The following ENTPD1 variants were observed in gnomAD, a reference collection of about 807,000 sequenced individuals.
ENTPD1 encodes the protein ATP diphosphohydrolase.
A neutral mutation model predicts 57.0 loss-of-function variants in ENTPD1; 33 were observed. That is an observed-to-expected ratio of 0.58 (90% CI 0.44 to 0.77). The LOEUF (loss-of-function observed/expected upper bound fraction) is 0.77. Among genes scored for constraint, ENTPD1 ranks in the 30% least tolerant of loss-of-function variants. The probability of loss-of-function intolerance (pLI) is 0.00; values close to 1 mark genes in which losing one functional copy is unlikely to be tolerated. For synonymous variants in ENTPD1, 202 were observed against 218.8 expected, an observed-to-expected ratio of 0.92 and a Z score of 0.68; for missense variants, 501 against 603.4, an observed-to-expected ratio of 0.83 and a Z score of 1.78.
intron 7 of ENTPD1, among the ~76,000 whole-genome samples, chr10:95,858,555 C>G (rs1042205306): frequency 5.3e-5 from 8 of 152,014 alleles, no homozygotes; most frequent in African/African-American, 1.9e-4. Flanking sequence ...AATTAAGAGG[C>G]CATTGCAGTA....
intron 1 of ENTPD1, among the ~76,000 whole-genome samples, chr10:95,757,457 T>C (rs2098032404): frequency 6.6e-6 from 1 of 152,080 alleles, no homozygotes. Flanking sequence ...TTCTCTGCTT[T>C]TTCTGGTGCC....
At chr10:95,778,636 T>C (rs2098143557) in intron 1 of ENTPD1, among the ~76,000 whole-genome samples, 1 of 152,238 alleles carries the variant, frequency 6.6e-6, no homozygotes, top group South Asian at 2.1e-4. Flanking sequence ...AAATTTCTTA[T>C]TTTGGTTATT....
At position 95,870,089 on chromosome 10, in the gene ENTPD1, T is replaced by C. The variant is rs2097314915; in HGVS notation, c.*3706T>C. On this transcript the variant is annotated 3_prime_UTR_variant, in exon 10 of 10. Transcript: ENST00000371205. ...CTATTATTTATTATATATGACATTA[T>C]TCCTAAAAAAGCTTTTGAGATCCTA... 2.0e-6 allele frequency: 2 copies of C among 985,424 alleles called. No homozygotes were observed. Among genetic ancestry groups the C allele is most frequent in the Non-Finnish European group, 2.4e-6 (2 of 829,920 alleles). The allele number at this position is 985,424 out of a possible 1,614,324, so 61.0% of individuals were successfully genotyped here. A position where few individuals can be genotyped will look rare whatever the true frequency, so the allele number is the denominator to read the frequency against.
chr10:95,712,054 C>T lies in ENTPD1; in HGVS notation c.37+61C>T, dbSNP rs1021322619. 3.3e-5 allele frequency: 53 copies of T among 1,607,130 alleles called. No individual in the cohort carries two copies. In the Admixed American group the frequency reaches 5.7e-4, roughly 17 times the overall value. On this transcript the variant is annotated intron_variant, in intron 1 of 9. Coordinates refer to the ENTPD1 transcript ENST00000453258. ...CTCCCTCTGTGGAATCTGGTAGAGC[C>T]GATGGTAAAAATCACTGTTTGTCTC...
chr10:95,844,335 G>C, intron 4 of ENTPD1, 141 bp from the exon 5 acceptor site: 1 of 1,159,312 alleles, frequency 8.6e-7, no homozygotes, highest in Non-Finnish European at 1.3e-6. Flanking sequence ...ACAGCTATGT[G>C]CGAAGATCCC....
intron 2 of ENTPD1, among the ~76,000 whole-genome samples, chr10:95,830,575 G>T (rs2098393209): frequency 6.6e-6 from 1 of 152,162 alleles, no homozygotes; most frequent in South Asian, 2.1e-4. Flanking sequence ...GGAGGCTGAG[G>T]CCGGCAGATC....
chr10:95,732,321 C>T (rs1477965402), intron 1 of ENTPD1, among the ~76,000 whole-genome samples: 22 of 152,128 alleles, frequency 1.4e-4, no homozygotes, highest in Admixed American at 1.4e-3. Context: ...AAAGTTCTTG[C>T]AATTTTTCTG....
At chr10:95,804,467 T>G (rs1305352219) in intron 1 of ENTPD1, among the ~76,000 whole-genome samples, 1 of 152,236 alleles carries the variant, frequency 6.6e-6, no homozygotes, top group Non-Finnish European at 1.5e-5. Flanking sequence ...AGGAGTTCAC[T>G]CATGATTTGG....
intron 1 of ENTPD1, among the ~76,000 whole-genome samples, chr10:95,800,645 C>T (rs984284879): frequency 9.2e-5 from 14 of 152,230 alleles, no homozygotes; most frequent in African/African-American, 3.4e-4. Flanking sequence ...TGCATTCCTT[C>T]CCCAGGGTTA....
At chr10:95,837,189 CT>C (rs1269935907) in intron 2 of ENTPD1, among the ~76,000 whole-genome samples, 1 of 152,310 alleles carries the variant, frequency 6.6e-6, no homozygotes, top group East Asian at 1.9e-4. Flanking sequence ...GGAAGAATGA[CT>C]TTCGTATCAA....
rs548374831 is a variant in ENTPD1, at chr10:95,860,615, T to C, written c.1188+33T>C. The C allele has an allele frequency of 5.7e-6, 9 of 1,569,008 alleles. No individual in the cohort carries two copies. The South Asian group carries it at 6.7e-5, about 12-fold the overall frequency. On this transcript the variant is annotated intron_variant, in intron 8 of 9. Coordinates refer to ENST00000371205, the MANE Select transcript of ENTPD1 (RefSeq NM_001776.6). Reference sequence around the variant, plus strand: ...ACTAGGCACAGCAGCTCTAACAGCATGAGTGCCCTGTGTCGTTGCTGATGC... The same window carrying C: ...ACTAGGCACAGCAGCTCTAACAGCACGAGTGCCCTGTGTCGTTGCTGATGC...
intron 1 of ENTPD1, among the ~76,000 whole-genome samples, chr10:95,718,409 T>G (rs2097973924): frequency 6.6e-6 from 1 of 152,112 alleles, no homozygotes; most frequent in African/African-American, 2.4e-5. Context: ...GGCTTCAATA[T>G]CCTCTTGGTG....
At chr10:95,702,857 A>G in the ENTPD1 span, among the ~76,000 whole-genome samples, 1 of 152,138 alleles carries the variant, frequency 6.6e-6, no homozygotes, top group Non-Finnish European at 1.5e-5. Context: ...ATCTCGGTTC[A>G]CTGCAAACTC....
intron 1 of ENTPD1, among the ~76,000 whole-genome samples, chr10:95,732,016 C>T (rs1398284149): frequency 6.6e-6 from 1 of 151,942 alleles, no homozygotes; most frequent in African/African-American, 2.4e-5. Context: ...CTCCTGACCT[C>T]AGGTGATCCA....
chr10:95,711,432 T>A (rs2097965480), upstream of ENTPD1, among the ~76,000 whole-genome samples: 1 of 152,246 alleles, frequency 6.6e-6, no homozygotes, highest in African/African-American at 2.4e-5. Flanking sequence ...TATTTCTACA[T>A]GGCTGTTCAT....
intron 1 of ENTPD1, among the ~76,000 whole-genome samples, chr10:95,750,278 C>A (rs1016787665): frequency 6.6e-6 from 1 of 152,186 alleles, no homozygotes; most frequent in African/African-American, 2.4e-5. Context: ...ATATTTGTCA[C>A]TTCCAAATTT....
At chr10:95,726,119 A>G (rs556849338) in intron 1 of ENTPD1, among the ~76,000 whole-genome samples, 11 of 152,336 alleles carry the variant, frequency 7.2e-5, no homozygotes, top group African/African-American at 2.4e-4. Flanking sequence ...CTTTTCATGA[A>G]TAAATGCTTT....
At chr10:95,707,797 G>A (rs986873321), upstream of ENTPD1, among the ~76,000 whole-genome samples, 1 of 152,126 alleles carries the variant, frequency 6.6e-6, no homozygotes, top group Non-Finnish European at 1.5e-5. Flanking sequence ...TAGAAATGGA[G>A]TTTCACCATG....
chr10:95,697,156 G>A, the ENTPD1 span, among the ~76,000 whole-genome samples: 2 of 152,162 alleles, frequency 1.3e-5, no homozygotes, highest in Non-Finnish European at 2.9e-5. Flanking sequence ...CAGAAAGAAG[G>A]TATTTGTTAT....
Sources: allele counts gnomAD v4.1 joint callset (sites outside exome capture counted in the v4.1 genomes callset), GRCh38; gene constraint gnomAD v4.1.1; transcripts MANE v1.5; gene names NCBI Gene and HGNC (gene_info 2026-07-23, HGNC 2026-07-21).